PCSK6: variants seen among roughly 807,000 people sequenced by gnomAD.
PCSK6 encodes the protein paired basic amino acid cleaving enzyme 4.
In PCSK6, 85 loss-of-function variants were observed where a neutral mutation model predicts 123.3. That is an observed-to-expected ratio of 0.69 (90% CI 0.58 to 0.83). The LOEUF (loss-of-function observed/expected upper bound fraction) is 0.83. Among genes scored for constraint, PCSK6 ranks in the 40% least tolerant of loss-of-function variants. The probability of loss-of-function intolerance (pLI) is 0.00; values close to 1 mark genes in which losing one functional copy is unlikely to be tolerated. For missense variants in PCSK6, 1,191 were observed against 1,282.3 expected (o/e 0.93, Z 1.09); for synonymous variants, 508 against 516.0 (o/e 0.98, Z 0.21).
At chr15:101,310,006 C>A (rs1392227921) in intron 20 of PCSK6, among the ~76,000 whole-genome samples, 9 of 152,268 alleles carry the variant, frequency 5.9e-5, no homozygotes, top group Non-Finnish European at 1.2e-4. Context: ...GCCCGTCTGG[C>A]CACATGCTCC....
chr15:101,334,950 T>A (rs2141376470), intron 13 of PCSK6, among the ~76,000 whole-genome samples: 1 of 152,216 alleles, frequency 6.6e-6, no homozygotes, highest in Non-Finnish European at 1.5e-5. Context: ...TTTATGTGTG[T>A]GTGTGTGTAT....
chr15:101,381,043 C>T (rs2041897635), intron 11 of PCSK6, among the ~76,000 whole-genome samples: 1 of 151,434 alleles, frequency 6.6e-6, no homozygotes, highest in Non-Finnish European at 1.5e-5. Flanking sequence ...TTCTGATTTA[C>T]TTTATGGCTG....
chr15:101,488,345 G>T (rs1471642474), intron 1 of PCSK6, among the ~76,000 whole-genome samples: 1 of 152,176 alleles, frequency 6.6e-6, no homozygotes, highest in Non-Finnish European at 1.5e-5. Context: ...CATAAACATG[G>T]ATCAACCCCA....
At chr15:101,453,918 G>A (rs2057104780) in intron 1 of PCSK6, among the ~76,000 whole-genome samples, 1 of 152,186 alleles carries the variant, frequency 6.6e-6, no homozygotes, top group Admixed American at 6.5e-5. Flanking sequence ...GAGCACCAAA[G>A]GCTGTGCACA....
At chr15:101,467,861 AC>A (rs2057502524) in intron 1 of PCSK6, among the ~76,000 whole-genome samples, 1 of 152,166 alleles carries the variant, frequency 6.6e-6, no homozygotes, top group South Asian at 2.1e-4. Flanking sequence ...TACGCAAGCC[AC>A]GCGGACAGTG....
intron 20 of PCSK6, chr15:101,313,005 C>CA (rs57786154): frequency 1.1e-5 from 13 of 1,170,220 alleles, no homozygotes; most frequent in South Asian, 1.8e-5. Context: ...AGTGTGTCTC[C>CA]AAAAAAATTT....
At chr15:101,351,941 C>T (rs891918983) in intron 13 of PCSK6, among the ~76,000 whole-genome samples, 1 of 152,110 alleles carries the variant, frequency 6.6e-6, no homozygotes, top group African/African-American at 2.4e-5. Context: ...CACGGCCTCT[C>T]ATTTACATAA....
chr15:101,362,403 A>G (rs1171145945), intron 13 of PCSK6, among the ~76,000 whole-genome samples: 1 of 152,202 alleles, frequency 6.6e-6, no homozygotes, highest in Non-Finnish European at 1.5e-5. Flanking sequence ...AGGGAGAGGC[A>G]GCTTTGGGCA....
intron 6 of PCSK6, among the ~76,000 whole-genome samples, chr15:101,416,007 T>G (rs2055875856): frequency 6.6e-6 from 1 of 152,224 alleles, no homozygotes; most frequent in Non-Finnish European, 1.5e-5. Context: ...GAGTGGGCAT[T>G]GCTGAAAAGA....
intron 7 of PCSK6, among the ~76,000 whole-genome samples, chr15:101,396,741 C>T (rs1011066282): frequency 6.6e-6 from 1 of 152,110 alleles, no homozygotes; most frequent in African/African-American, 2.4e-5. Context: ...CTCATTGAAG[C>T]TGCCTCGGTG....
At chr15:101,438,163 A>G (rs2056655859) in intron 2 of PCSK6, among the ~76,000 whole-genome samples, 1 of 152,202 alleles carries the variant, frequency 6.6e-6, no homozygotes, top group Admixed American at 6.5e-5. Context: ...ATCCTGTGGG[A>G]CTTTGTTACA....
At chr15:101,463,456 G>C (rs1417397085) in intron 1 of PCSK6, among the ~76,000 whole-genome samples, 1 of 152,152 alleles carries the variant, frequency 6.6e-6, no homozygotes, top group Admixed American at 6.5e-5. Context: ...GTTCCTGGTG[G>C]TTTCTCTGAA....
In PCSK6 at chr15:101,382,131, G is replaced by A. The variant is rs374241841; in HGVS notation, c.1493C>T (p.Ser498Leu). The A allele has an allele frequency of 3.7e-5, 60 of 1,612,014 alleles. No individual in the cohort carries two copies. The highest frequency in any genetic ancestry group is 1.6e-4 in the Middle Eastern group (1 of 6,082). ...CGAGGCGGCCACACACATGTGCTGC[G>A]ATGGCACTGCTGTCCACTTCTTTGC... ...VEAKKWTAVP[S>L]QHMCVAASDK... Residue 498 changes from serine to leucine, a missense_variant, in exon 11 of 22, where the codon TCG becomes TTG. Transcript: ENST00000611716.
intron 1 of PCSK6, among the ~76,000 whole-genome samples, chr15:101,481,426 A>G (rs1157429867): frequency 1.3e-5 from 2 of 151,632 alleles, no homozygotes; most frequent in Non-Finnish European, 2.9e-5. Flanking sequence ...GGTGACAGGT[A>G]AAGCCGTTCT....
At chr15:101,318,056 A>G (rs1204997237) in intron 19 of PCSK6, among the ~76,000 whole-genome samples, 2 of 152,188 alleles carry the variant, frequency 1.3e-5, no homozygotes, top group Non-Finnish European at 1.5e-5. Flanking sequence ...AAGTACATTC[A>G]CACTGTTATG....
chr15:101,376,475 C>A (rs2041746172), intron 11 of PCSK6, among the ~76,000 whole-genome samples: 1 of 152,178 alleles, frequency 6.6e-6, no homozygotes, highest in Non-Finnish European at 1.5e-5. Flanking sequence ...TGTCTTTAAA[C>A]CCATACACAT....
intron 2 of PCSK6, among the ~76,000 whole-genome samples, chr15:101,442,173 A>G (rs1438875312): frequency 6.6e-6 from 1 of 152,134 alleles, no homozygotes; most frequent in African/African-American, 2.4e-5. Flanking sequence ...TCTCACCCCC[A>G]TGTGATGGGG....
Position 101,318,336 on chromosome 15 carries a change from G to A in PCSK6, c.2552C>T (p.Thr851Ile). The A allele has an allele frequency of 6.4e-7, 1 of 1,559,988 alleles. No individual in the cohort carries two copies. The highest frequency in any genetic ancestry group is 8.7e-7 in the Non-Finnish European group (1 of 1,151,926). ...ELIRCGECHH[T>I]CGTCVGPGRE... ...GAACTCACCCACGCAGGTTCCGCAGGTGTGATGGCATTCCCCACATCTGAT... is the reference window on the plus strand; with the variant it reads ...GAACTCACCCACGCAGGTTCCGCAGATGTGATGGCATTCCCCACATCTGAT... The change falls in exon 19 of 22, where the codon ACC (threonine) becomes ATC (isoleucine). Residue 851 changes from threonine (T) to isoleucine (I), a missense_variant. Around this residue, in one of 3 missense-constraint regions of PCSK6, gnomAD observed 630 missense variants for 631.4 expected, o/e 1.00. Coordinates refer to ENST00000611716, the MANE Select transcript of PCSK6 (RefSeq NM_002570.5).
chr15:101,336,986 C>A (rs1976033), intron 13 of PCSK6: 1 of 151,778 alleles, frequency 6.6e-6, no homozygotes, highest in Non-Finnish European at 1.5e-5. Context: ...CAATGGTAAT[C>A]TGGGAGACAT....
Sources: gnomAD v4.1 joint callset for allele counts (sites outside exome capture counted in the v4.1 genomes callset) on GRCh38, gnomAD v4.1.1 for gene constraint, gnomAD v4.1.1 regional missense constraint, MANE v1.5 for transcripts, NCBI Gene and HGNC (gene_info 2026-07-23, HGNC 2026-07-21) for gene names.